ANK2: variants seen among roughly 807,000 people sequenced by gnomAD.
ANK2 encodes the protein ankyrin 2.
A neutral mutation model predicts 360.5 loss-of-function variants in ANK2; 83 were observed. The ratio of observed to expected loss-of-function variants is 0.23; its 90% CI spans 0.19 to 0.28. The LOEUF (loss-of-function observed/expected upper bound fraction) is 0.28. Among genes scored for constraint, ANK2 ranks in the 10% least tolerant of loss-of-function variants. The pLI, the probability that ANK2 is intolerant of heterozygous loss-of-function variation, is 1.00. For missense variants in ANK2, 4,201 were observed against 4,795.7 expected, an observed-to-expected ratio of 0.88 and a Z score of 3.66; for synonymous variants, 1,740 against 1,759.5, an observed-to-expected ratio of 0.99 and a Z score of 0.28.
At chr4:112,796,667 T>C in the ANK2 span, among the ~76,000 whole-genome samples, 3 of 151,472 alleles carry the variant, frequency 2.0e-5, no homozygotes, top group African/African-American at 7.3e-5. Flanking sequence ...TTTTTTTTTT[T>C]TTTTCTTTTC....
intron 1 of ANK2, among the ~76,000 whole-genome samples, chr4:112,848,290 G>A (rs917482236): frequency 6.6e-6 from 1 of 152,058 alleles, no homozygotes; most frequent in African/African-American, 2.4e-5. Flanking sequence ...TTCCCAAGTA[G>A]CTGGGATTAC....
At chr4:112,785,151 A>T in the ANK2 span, among the ~76,000 whole-genome samples, 90 of 152,336 alleles carry the variant, frequency 5.9e-4, no homozygotes, top group Non-Finnish European at 1.1e-3. Context: ...CAGGCTGTGA[A>T]TGCAAATGAT....
intron 2 of ANK2, among the ~76,000 whole-genome samples, chr4:112,936,728 A>G (rs2093759890): frequency 6.6e-6 from 1 of 152,020 alleles, no homozygotes; most frequent in Non-Finnish European, 1.5e-5. Flanking sequence ...ATGGAGGTCA[A>G]TAATCTACAC....
chr4:113,300,128 A>G (rs558117168), intron 22 of ANK2, among the ~76,000 whole-genome samples: 5 of 152,190 alleles, frequency 3.3e-5, no homozygotes, highest in Non-Finnish European at 5.9e-5. Context: ...ACAAATATTT[A>G]TCAACCACTA....
At chr4:113,335,521 A>G (rs2093405333) in intron 29 of ANK2, among the ~76,000 whole-genome samples, 1 of 152,192 alleles carries the variant, frequency 6.6e-6, no homozygotes, top group African/African-American at 2.4e-5. Flanking sequence ...ATTTCATTCC[A>G]TATTTGCCCT....
chr4:113,373,070 C>G lies in ANK2; in HGVS notation c.11611-20C>G. On this transcript the variant is annotated intron_variant, in intron 43 of 45. Transcript: ENST00000357077. The stretch of plus-strand genomic sequence containing the variant: ...ATTGGTGCCAAACACCACAGTGACC[C>G]TTTTCTCTCAACTGTTTAGGGAGAC... The G allele has an allele frequency of 1.2e-6, 2 of 1,606,756 alleles. No homozygotes were observed. Among genetic ancestry groups the G allele is most frequent in the Non-Finnish European group, 1.7e-6 (2 of 1,173,374 alleles).
intron 10 of ANK2, among the ~76,000 whole-genome samples, chr4:113,254,455 T>A (rs754627689): frequency 1.4e-4 from 21 of 152,176 alleles, no homozygotes; most frequent in Non-Finnish European, 2.8e-4. Flanking sequence ...CATCAATGAA[T>A]GTTAATTTTT....
At chr4:113,170,411 G>A (rs181194530) in intron 1 of ANK2, among the ~76,000 whole-genome samples, 5 of 152,086 alleles carry the variant, frequency 3.3e-5, no homozygotes, top group African/African-American at 1.2e-4. Flanking sequence ...ACAGCAAAAT[G>A]TTCTGTCTAT....
At chr4:112,831,998 G>A (rs1229140913) in intron 1 of ANK2, among the ~76,000 whole-genome samples, 1 of 150,394 alleles carries the variant, frequency 6.6e-6, no homozygotes, top group African/African-American at 2.5e-5. Flanking sequence ...TTTAAGAACT[G>A]TAACACTCAC....
At chr4:113,154,912 G>T (rs2097222859) in intron 1 of ANK2, among the ~76,000 whole-genome samples, 1 of 152,118 alleles carries the variant, frequency 6.6e-6, no homozygotes, top group South Asian at 2.1e-4. Context: ...TAATGGACTG[G>T]GCTGCTTCCT....
chr4:113,178,435 G>C (rs968829137), intron 2 of ANK2, among the ~76,000 whole-genome samples: 1 of 151,820 alleles, frequency 6.6e-6, no homozygotes, highest in Non-Finnish European at 1.5e-5. Context: ...AGCCGGGCGT[G>C]GCAGCAGGCG....
At chr4:113,261,006 G>A (rs1045838508) in intron 13 of ANK2, among the ~76,000 whole-genome samples, 2 of 152,094 alleles carry the variant, frequency 1.3e-5, no homozygotes, top group Non-Finnish European at 2.9e-5. Context: ...AACTTGATGC[G>A]CCCAAAGTGG....
intron 1 of ANK2, among the ~76,000 whole-genome samples, chr4:113,086,277 T>G (rs1198844546): frequency 6.6e-6 from 1 of 152,222 alleles, no homozygotes; most frequent in Non-Finnish European, 1.5e-5. Flanking sequence ...ATTCCCCTTG[T>G]TTTTTGTACA....
At chr4:112,874,710 T>C (rs1047285929) in intron 1 of ANK2, among the ~76,000 whole-genome samples, 15 of 148,684 alleles carry the variant, frequency 1.0e-4, no homozygotes, top group African/African-American at 3.7e-4. Flanking sequence ...ACCACTGACC[T>C]AAAGGAATGG....
At chr4:113,123,671 C>G (rs756976142) in intron 1 of ANK2, among the ~76,000 whole-genome samples, 3 of 152,004 alleles carry the variant, frequency 2.0e-5, no homozygotes, top group Non-Finnish European at 4.4e-5. Flanking sequence ...TGGTTCTATC[C>G]CATTCATAAT....
chr4:113,214,960 T>G (rs1040300273), intron 4 of ANK2, among the ~76,000 whole-genome samples: 1 of 152,124 alleles, frequency 6.6e-6, no homozygotes, highest in African/African-American at 2.4e-5. Context: ...ATTAACTATT[T>G]TATTGTACAG....
chr4:112,827,392 G>A, intron 1 of ANK2: 2 of 1,376,152 alleles, frequency 1.5e-6, no homozygotes, highest in Non-Finnish European at 2.1e-6. Context: ...CACAGCTCTT[G>A]CAGCTATTGG....
rs576565550 is a variant in ANK2, at chr4:113,018,801, A to G, written c.21+114287A>G. Among the ~76,000 whole-genome samples the G allele has an allele frequency of 1.8e-3, 271 of 152,286 alleles. 1 individual carries two copies. Among genetic ancestry groups the G allele is most frequent in the Non-Finnish European group, 2.7e-3 (183 of 68,024 alleles). On this transcript the variant is annotated intron_variant, in intron 2 of 30. Coordinates refer to the ANK2 transcript ENST00000503271. ...AGGTAGTGTCATTCTTTCACTTTTA[A>G]TTCCTTGAGATACGGATAAACAGAC...
rs558012197 is a variant in ANK2, at chr4:113,209,518, C to T, written c.384+10409C>T. On this transcript the variant is annotated intron_variant, in intron 4 of 45. Coordinates refer to ENST00000357077, the MANE Select transcript of ANK2 (RefSeq NM_001148.6). Reference sequence around the variant, plus strand: ...TTATCGAACCAAACTGGGGCCCACTCGCCCTGTATAGCAATACCAGATATC... The same window carrying T: ...TTATCGAACCAAACTGGGGCCCACTTGCCCTGTATAGCAATACCAGATATC... Among the ~76,000 whole-genome samples, 53 of 151,906 alleles carry T rather than the reference C, an allele frequency of 3.5e-4. 1 individual carries two copies. The highest frequency in any genetic ancestry group is 1.0e-3 in the African/African-American group (41 of 41,196).
Sources: gnomAD v4.1 joint callset for allele counts (sites outside exome capture counted in the v4.1 genomes callset) on GRCh38, gnomAD v4.1.1 for gene constraint, MANE v1.5 for transcripts, NCBI Gene and HGNC (gene_info 2026-07-23, HGNC 2026-07-21) for gene names.